Variants in DEPTOR observed in about 807,000 individuals in gnomAD.
DEPTOR encodes DEP domain containing MTOR interacting protein.
Under a neutral mutation model 41.6 loss-of-function variants are expected in DEPTOR, and 41 were observed. The observed-to-expected ratio is 0.98, with a 90% confidence interval of 0.77 to 1.28. The LOEUF is 1.28. Among genes scored for constraint, DEPTOR ranks in the 50% most tolerant of loss-of-function variants. DEPTOR has a pLI of 0.00. For missense variants in DEPTOR, 514 were observed against 527.9 expected (o/e 0.97, Z 0.26); for synonymous variants, 195 against 192.3 (o/e 1.01, Z -0.12).
At chr8:119,919,544 T>C (rs1004993699) in intron 1 of DEPTOR, among the ~76,000 whole-genome samples, 4 of 152,346 alleles carry the variant, frequency 2.6e-5, no homozygotes, top group Admixed American at 2.0e-4. Flanking sequence ...GTGTATTATA[T>C]TTCCATTTTG....
At chr8:119,877,522 C>T (rs946851081) in intron 1 of DEPTOR, among the ~76,000 whole-genome samples, 6 of 152,222 alleles carry the variant, frequency 3.9e-5, no homozygotes, top group Admixed American at 6.5e-5. Context: ...GGCCTCCTGC[C>T]TCTAAGTGCT....
At chr8:119,905,442 A>G (rs1827649816) in intron 1 of DEPTOR, among the ~76,000 whole-genome samples, 1 of 152,106 alleles carries the variant, frequency 6.6e-6, no homozygotes, top group East Asian at 1.9e-4. Context: ...CAGTGCAGGA[A>G]GGGAGAAGCA....
intron 4 of DEPTOR, among the ~76,000 whole-genome samples, chr8:119,989,388 C>T (rs1391245730): frequency 6.6e-6 from 1 of 152,124 alleles, no homozygotes; most frequent in Non-Finnish European, 1.5e-5. Context: ...AAGCAGACTC[C>T]ACTCTCTTGT....
intron 1 of DEPTOR, among the ~76,000 whole-genome samples, chr8:119,908,731 T>C (rs1238321154): frequency 6.6e-6 from 1 of 152,210 alleles, no homozygotes; most frequent in Non-Finnish European, 1.5e-5. Flanking sequence ...AGCTCTTTTC[T>C]TAAAACAAAG....
chr8:119,982,007 C>A (rs1051573266), intron 4 of DEPTOR, among the ~76,000 whole-genome samples: 2 of 105,178 alleles, frequency 1.9e-5, no homozygotes, highest in African/African-American at 7.3e-5. Flanking sequence ...GTGTGAGATT[C>A]CATCTCTAAA....
intron 4 of DEPTOR, among the ~76,000 whole-genome samples, chr8:119,975,807 T>C (rs1030241445): frequency 4.0e-5 from 6 of 150,936 alleles, no homozygotes; most frequent in Non-Finnish European, 7.4e-5. Context: ...CGACCTAGCC[T>C]TGCTTGCCCA....
chr8:119,943,540 T>C (rs926825746), intron 3 of DEPTOR, among the ~76,000 whole-genome samples: 1 of 151,956 alleles, frequency 6.6e-6, no homozygotes, highest in Non-Finnish European at 1.5e-5. Flanking sequence ...CCCACCCAGG[T>C]CCCTCCCTCG....
chr8:119,933,223 C>T (rs1281978189), intron 3 of DEPTOR, among the ~76,000 whole-genome samples: 1 of 152,028 alleles, frequency 6.6e-6, no homozygotes, highest in Non-Finnish European at 1.5e-5. Flanking sequence ...TATGTGGTGG[C>T]TCATGCCTGT....
At chr8:119,980,453 T>TTTTTCTTTCTTTTC (rs1828748160) in intron 4 of DEPTOR, among the ~76,000 whole-genome samples, 1 of 110,910 alleles carries the variant, frequency 9.0e-6, no homozygotes, top group African/African-American at 3.7e-5. Flanking sequence ...TCATTTTTCT[T>TTTTTCTTTCTTTTC]TTTTCTTTTC....
At chr8:119,956,261 G>A (rs76457683) in intron 3 of DEPTOR, among the ~76,000 whole-genome samples, 2 of 152,146 alleles carry the variant, frequency 1.3e-5, no homozygotes, top group Non-Finnish European at 2.9e-5. Context: ...AAAATCCCAC[G>A]AAAGGCGTGG....
intron 8 of DEPTOR, among the ~76,000 whole-genome samples, chr8:120,046,510 C>T (rs938415068): frequency 1.3e-5 from 2 of 152,080 alleles, no homozygotes; most frequent in Non-Finnish European, 2.9e-5. Flanking sequence ...CAGGGCTCAC[C>T]CATGTTGTAG....
chr8:120,025,183 T>A (rs1181712726), intron 8 of DEPTOR, among the ~76,000 whole-genome samples: 1 of 152,230 alleles, frequency 6.6e-6, no homozygotes, highest in Non-Finnish European at 1.5e-5. Context: ...AATTAAAGAC[T>A]GTGATATGTG....
intron 1 of DEPTOR, among the ~76,000 whole-genome samples, chr8:119,921,083 C>T (rs1483275335): frequency 6.6e-6 from 1 of 151,854 alleles, no homozygotes; most frequent in Non-Finnish European, 1.5e-5. Context: ...CTCAAGGGAT[C>T]CTCCCGCCTC....
chr8:119,938,702 G>A (rs1468573721), intron 3 of DEPTOR, among the ~76,000 whole-genome samples: 2 of 151,980 alleles, frequency 1.3e-5, no homozygotes, highest in African/African-American at 2.4e-5. Context: ...AGTAGAGAGC[G>A]TTTTGCCAGG....
At chr8:119,986,066 C>T (rs1828826944) in intron 4 of DEPTOR, among the ~76,000 whole-genome samples, 1 of 151,960 alleles carries the variant, frequency 6.6e-6, no homozygotes, top group Non-Finnish European at 1.5e-5. Context: ...TTGATCCTGT[C>T]ATTATGATGC....
At chr8:120,001,424 C>T (rs1812348578) in intron 4 of DEPTOR, 101 bp from the exon 5 acceptor site, 1 of 1,076,072 alleles carries the variant, frequency 9.3e-7, no homozygotes, top group Admixed American at 2.8e-5. Flanking sequence ...AGAAGTCTTT[C>T]TTGAGACTTT....
At chr8:119,991,108 CTTTCTTTCTTTT>C (rs879729785) in intron 4 of DEPTOR, among the ~76,000 whole-genome samples, 9,479 of 65,766 alleles carry the variant, frequency 0.14, 775 homozygotes, top group Middle Eastern at 0.24. Flanking sequence ...TTCTTTCTTT[CTTTCTTTCTTTT>C]TTTTTTAAAT....
chr8:120,003,111 G>T lies in DEPTOR; in HGVS notation c.925G>T (p.Val309Leu). ...CCCTGTGCTCTGCAACCCCAAGTCCGGTGAGTGCCCAAAAGGTGGCCCCGC... is the reference window on the plus strand; with the variant it reads ...CCCTGTGCTCTGCAACCCCAAGTCCTGTGAGTGCCCAAAAGGTGGCCCCGC... Reference protein sequence around the residue: ...SPPVLCNPKSVLKRPVTSEEL... With the variant: ...SPPVLCNPKSLLKRPVTSEEL... Residue 309 changes from valine to leucine, a missense_variant and splice_region_variant, in exon 6 of 9, where the codon GTG becomes TTG. By Grantham distance (32) the Val-to-Leu change is conservative (BLOSUM62 1). Transcript: ENST00000286234. The T allele has an allele frequency of 6.2e-7, 1 of 1,611,414 alleles. No homozygotes were observed. The highest frequency in any genetic ancestry group is 1.1e-5 in the South Asian group (1 of 91,040).
chr8:119,952,359 C>T (rs1828364382), intron 3 of DEPTOR, among the ~76,000 whole-genome samples: 2 of 152,178 alleles, frequency 1.3e-5, no homozygotes, highest in African/African-American at 2.4e-5. Context: ...TGCAGCCCCT[C>T]ACCTCCACAC....
Sources: gnomAD v4.1 joint callset for allele counts (sites outside exome capture counted in the v4.1 genomes callset) on GRCh38, gnomAD v4.1.1 for gene constraint, MANE v1.5 for transcripts, NCBI Gene and HGNC (gene_info 2026-07-23, HGNC 2026-07-21) for gene names.